Variants in PALM2AKAP2 observed in about 807,000 individuals in gnomAD.
PALM2AKAP2 encodes the protein PALM2 and AKAP2 fusion.
In PALM2AKAP2, 37 loss-of-function variants were observed where a neutral mutation model predicts 71.5. The ratio of observed to expected loss-of-function variants is 0.52; its 90% CI spans 0.40 to 0.68. PALM2AKAP2 has a LOEUF of 0.68. PALM2AKAP2 is among the 30% of genes least tolerant of loss of function. The pLI is 0.00. For synonymous variants in PALM2AKAP2, 468 were observed against 478.8 expected, an observed-to-expected ratio of 0.98 and a Z score of 0.29; for missense variants, 1,224 against 1,191.8, an observed-to-expected ratio of 1.03 and a Z score of -0.40.
At chr9:109,989,126 G>A (rs752311157) in intron 6 of PALM2AKAP2, among the ~76,000 whole-genome samples, 2 of 152,184 alleles carry the variant, frequency 1.3e-5, no homozygotes, top group African/African-American at 2.4e-5. Flanking sequence ...TAATACAGAT[G>A]TGTTGAGAGG....
chr9:109,728,266 A>G (rs1437972293), intron 1 of PALM2AKAP2, among the ~76,000 whole-genome samples: 5 of 152,240 alleles, frequency 3.3e-5, no homozygotes, highest in South Asian at 2.1e-4. Context: ...AGCACTTTAT[A>G]TGCATTATAG....
chr9:109,739,468 T>C (rs1328628642), intron 1 of PALM2AKAP2, among the ~76,000 whole-genome samples: 1 of 152,222 alleles, frequency 6.6e-6, no homozygotes, highest in Non-Finnish European at 1.5e-5. Flanking sequence ...TATATAGGTG[T>C]ATAGATCACT....
At chr9:109,841,282 C>T (rs577894538) in intron 1 of PALM2AKAP2, among the ~76,000 whole-genome samples, 1,683 of 149,466 alleles carry the variant, frequency 0.011, 27 homozygotes, top group African/African-American at 0.039. Context: ...AACCAAACAC[C>T]GCATGTTCTC....
chr9:109,768,584 T>C (rs1829201482), intron 1 of PALM2AKAP2, among the ~76,000 whole-genome samples: 13 of 152,342 alleles, frequency 8.5e-5, no homozygotes, highest in Admixed American at 7.2e-4. Flanking sequence ...ATGTTCCTGA[T>C]ACTTAAGTAG....
chr9:109,852,096 ATATT>A (rs957431458), intron 1 of PALM2AKAP2, among the ~76,000 whole-genome samples: 9 of 152,102 alleles, frequency 5.9e-5, no homozygotes, highest in African/African-American at 2.2e-4. Context: ...TAATTAAAGA[ATATT>A]TATTTATTTA....
At chr9:109,977,037 A>C (rs934401654) in intron 6 of PALM2AKAP2, among the ~76,000 whole-genome samples, 1 of 152,146 alleles carries the variant, frequency 6.6e-6, no homozygotes, top group Admixed American at 6.5e-5. Context: ...TGTTTAAAAA[A>C]AAAAAAGCAA....
chr9:110,066,030 A>G (rs1467137487), intron 1 of PALM2AKAP2, among the ~76,000 whole-genome samples: 1 of 152,256 alleles, frequency 6.6e-6, no homozygotes, highest in African/African-American at 2.4e-5. Flanking sequence ...GAGGTCCTCC[A>G]GGCATCAAAA....
intron 1 of PALM2AKAP2, among the ~76,000 whole-genome samples, chr9:109,758,015 C>T (rs74914802): frequency 0.023 from 3,537 of 152,136 alleles, 141 homozygotes; most frequent in African/African-American, 0.08. Context: ...TAAACAAACC[C>T]TAATACCAGT....
rs776585237 is a variant in PALM2AKAP2 at position 110,138,388 on chromosome 9, G to A, written c.2418G>A (p.Arg806=). 2.5e-6 allele frequency: 4 copies of A among 1,614,246 alleles called. No individual in the cohort carries two copies. In the South Asian group the frequency reaches 4.4e-5, roughly 18 times the overall value. ...TCAAGCTGAGGTCCAGGAAACAGCGGACTTTGTCCATGATTGAGGAAGAGA... is the reference window on the plus strand; with the variant it reads ...TCAAGCTGAGGTCCAGGAAACAGCGAACTTTGTCCATGATTGAGGAAGAGA... Residue 806 remains arginine (R), a synonymous_variant, in exon 2 of 4, where the codon CGG becomes CGA. Coordinates refer to ENST00000374525, the Ensembl canonical transcript of PALM2AKAP2.
intron 2 of PALM2AKAP2, among the ~76,000 whole-genome samples, chr9:110,142,035 T>C (rs1195745798): frequency 6.6e-6 from 1 of 151,890 alleles, no homozygotes; most frequent in African/African-American, 2.4e-5. Context: ...AATGACCGGG[T>C]ATCTAGAAAT....
At chr9:109,647,900 T>C (rs1303951574) in intron 1 of PALM2AKAP2, among the ~76,000 whole-genome samples, 1 of 152,240 alleles carries the variant, frequency 6.6e-6, no homozygotes, top group Non-Finnish European at 1.5e-5. Flanking sequence ...TGAGCACATG[T>C]CACTTAGCCC....
chr9:109,828,400 A>C (rs1828212229), intron 1 of PALM2AKAP2, among the ~76,000 whole-genome samples: 1 of 152,222 alleles, frequency 6.6e-6, no homozygotes, highest in South Asian at 2.1e-4. Flanking sequence ...GTGTCTTCTC[A>C]GGACTAATCC....
At chr9:110,076,506 T>TATATATATATATATTCTAC (rs1834327380) in intron 1 of PALM2AKAP2, among the ~76,000 whole-genome samples, 1 of 143,730 alleles carries the variant, frequency 7.0e-6, no homozygotes, top group African/African-American at 2.7e-5. Context: ...TATATATATA[T>TATATATATATATATTCTAC]ATATAGGTAT....
chr9:109,750,209 A>C (rs938496176), intron 1 of PALM2AKAP2, among the ~76,000 whole-genome samples: 1 of 152,174 alleles, frequency 6.6e-6, no homozygotes, highest in Non-Finnish European at 1.5e-5. Flanking sequence ...GAATCTCTTG[A>C]TTCTTAGTCC....
rs1410182 is a variant in PALM2AKAP2 at position 110,141,788 on chromosome 9, A to G, written c.2569+3249A>G. ...ATAATTTTTAACTTCTCTGGTAGAA[A>G]TCATGCTGGTGGCATGCTGGAATCC... On this transcript the variant is annotated intron_variant, in intron 2 of 3. Coordinates refer to ENST00000374525, the Ensembl canonical transcript of PALM2AKAP2. 2.7e-3 allele frequency among the ~76,000 whole-genome samples: 417 copies of G among 152,348 alleles called. 4 individuals are homozygous for G. Among genetic ancestry groups the G allele is most frequent in the African/African-American group, 9.3e-3 (388 of 41,574 alleles).
intron 1 of PALM2AKAP2, among the ~76,000 whole-genome samples, chr9:109,728,789 C>T (rs892200513): frequency 1.3e-5 from 2 of 152,124 alleles, no homozygotes; most frequent in Non-Finnish European, 2.9e-5. Context: ...CTCCCATAAG[C>T]TGGCTGGACA....
intron 3 of PALM2AKAP2, among the ~76,000 whole-genome samples, chr9:109,902,668 T>C (rs1262596168): frequency 6.6e-6 from 1 of 152,216 alleles, no homozygotes; most frequent in African/African-American, 2.4e-5. Context: ...CTTGGCCACT[T>C]CTCAGTTAGC....
chr9:110,033,541 G>T (rs971975510), intron 7 of PALM2AKAP2, among the ~76,000 whole-genome samples: 2 of 152,006 alleles, frequency 1.3e-5, no homozygotes, highest in African/African-American at 4.8e-5. Flanking sequence ...TTGTCCCATT[G>T]TGCAGATGAA....
At chr9:109,702,994 T>C (rs550644346) in intron 1 of PALM2AKAP2, among the ~76,000 whole-genome samples, 2 of 152,096 alleles carry the variant, frequency 1.3e-5, no homozygotes, top group African/African-American at 4.8e-5. Flanking sequence ...AATTTTTGTA[T>C]TTTTAGTAGA....
Sources: allele counts gnomAD v4.1 joint callset (sites outside exome capture counted in the v4.1 genomes callset), GRCh38; gene constraint gnomAD v4.1.1; transcripts MANE v1.5; gene names NCBI Gene and HGNC (gene_info 2026-07-23, HGNC 2026-07-21).